Variants in COL25A1 observed in about 807,000 individuals in gnomAD.
The protein encoded by COL25A1 is collagen alpha-1(XXV) chain.
COL25A1 carries 103 observed loss-of-function variants against 128.4 expected under a neutral mutation model. The observed-to-expected ratio is 0.80, with a 90% CI of 0.68 to 0.94. The LOEUF is 0.94. COL25A1 is among the 40% of genes least tolerant of loss of function. COL25A1 has a pLI of 0.00. For missense variants in COL25A1, 745 were observed against 840.0 expected (o/e 0.89, Z 1.40); for synonymous variants, 279 against 277.2 (o/e 1.01, Z -0.06).
intron 6 of COL25A1, among the ~76,000 whole-genome samples, chr4:108,977,556 G>A (rs1047700940): frequency 6.6e-6 from 1 of 152,134 alleles, no homozygotes; most frequent in African/African-American, 2.4e-5. Context: ...ATAATAATGA[G>A]AGGATATGAC....
At chr4:109,279,968 A>G (rs773831659) in intron 3 of COL25A1, among the ~76,000 whole-genome samples, 4 of 152,228 alleles carry the variant, frequency 2.6e-5, no homozygotes, top group Non-Finnish European at 5.9e-5. Context: ...ATACTGAAAG[A>G]TGAGGCAGGG....
chr4:109,071,400 G>A (rs970916493), intron 3 of COL25A1, among the ~76,000 whole-genome samples: 4 of 152,124 alleles, frequency 2.6e-5, no homozygotes, highest in African/African-American at 9.7e-5. Flanking sequence ...AGGACTTCAT[G>A]TCTAAAACAC....
At chr4:109,183,578 A>C (rs546460217) in intron 3 of COL25A1, among the ~76,000 whole-genome samples, 1 of 152,172 alleles carries the variant, frequency 6.6e-6, no homozygotes, top group Admixed American at 6.6e-5. Flanking sequence ...TAGCAAGTGC[A>C]GTATTTTATC....
chr4:109,013,780 G>A lies in COL25A1; in HGVS notation c.421-3405C>T, dbSNP rs139783711. ...AACCGAAGGAAGAAACTCTAAGCAC[G>A]TCCGAACATCAGAAGGAACAAACTC... On this transcript the variant is annotated intron_variant, in intron 5 of 37. Transcript: ENST00000399132. Among the ~76,000 whole-genome samples the A allele has an allele frequency of 6.6e-3, 1,009 of 152,258 alleles. 28 individuals carry two copies. Among genetic ancestry groups the A allele is most frequent in the Admixed American group, 0.046 (697 of 15,302 alleles).
intron 3 of COL25A1, among the ~76,000 whole-genome samples, chr4:109,248,192 A>G (rs1434258413): frequency 4.6e-5 from 7 of 152,150 alleles, no homozygotes; most frequent in African/African-American, 1.7e-4. Flanking sequence ...TCTAGTCCTT[A>G]GCCAGGGTAA....
At chr4:109,103,856 T>C (rs1766145013) in intron 3 of COL25A1, among the ~76,000 whole-genome samples, 1 of 152,192 alleles carries the variant, frequency 6.6e-6, no homozygotes, top group Admixed American at 6.5e-5. Context: ...GAATTTTTAA[T>C]GATTCAAAAA....
At chr4:109,246,680 G>A (rs1178454019) in intron 3 of COL25A1, among the ~76,000 whole-genome samples, 1 of 151,922 alleles carries the variant, frequency 6.6e-6, no homozygotes, top group Non-Finnish European at 1.5e-5. Context: ...ACTCTACTAT[G>A]ATCATTTTTT....
chr4:108,941,784 A>C (rs1341002713), intron 8 of COL25A1, among the ~76,000 whole-genome samples: 1 of 152,244 alleles, frequency 6.6e-6, no homozygotes, highest in Non-Finnish European at 1.5e-5. Context: ...GTCTAGAGAC[A>C]AAATGCCAGT....
intron 3 of COL25A1, among the ~76,000 whole-genome samples, chr4:109,283,817 T>A (rs552186942): frequency 6.6e-6 from 1 of 152,316 alleles, no homozygotes; most frequent in African/African-American, 2.4e-5. Flanking sequence ...AACACTTTCT[T>A]TACTAACCTT....
intron 5 of COL25A1, among the ~76,000 whole-genome samples, chr4:109,047,728 CTTTTTTTT>C (rs59105153): frequency 1.5e-5 from 2 of 132,194 alleles, no homozygotes; most frequent in African/African-American, 2.7e-5. Flanking sequence ...TAAGTATACT[CTTTTTTTT>C]TTTTTTTTTT....
intron 3 of COL25A1, among the ~76,000 whole-genome samples, chr4:109,163,197 C>T (rs1772745889): frequency 6.6e-6 from 1 of 152,168 alleles, no homozygotes; most frequent in Non-Finnish European, 1.5e-5. Context: ...GCATCCCAGG[C>T]TAAGACAAAA....
At chr4:108,850,854 A>C (rs1255822851) in intron 26 of COL25A1, among the ~76,000 whole-genome samples, 1 of 152,138 alleles carries the variant, frequency 6.6e-6, no homozygotes, top group Non-Finnish European at 1.5e-5. Flanking sequence ...TTAGTGATAC[A>C]GATTTTTTAC....
chr4:108,901,412 C>G (rs1256697801), intron 13 of COL25A1, among the ~76,000 whole-genome samples: 2 of 151,990 alleles, frequency 1.3e-5, no homozygotes, highest in Non-Finnish European at 2.9e-5. Context: ...AGGCAACTTA[C>G]CAGTGGAAAT....
chr4:109,192,398 T>C (rs1380974502), intron 3 of COL25A1, among the ~76,000 whole-genome samples: 2 of 152,276 alleles, frequency 1.3e-5, no homozygotes, highest in East Asian at 3.9e-4. Flanking sequence ...ACAGGCAGTG[T>C]TATAGGCTGA....
chr4:109,075,209 A>G (rs1280167312), intron 3 of COL25A1, among the ~76,000 whole-genome samples: 2 of 152,182 alleles, frequency 1.3e-5, no homozygotes, highest in Non-Finnish European at 2.9e-5. Context: ...AAGTTTTAAC[A>G]CCAGAACAGA....
At chr4:109,225,096 C>A (rs1237592000) in intron 3 of COL25A1, among the ~76,000 whole-genome samples, 1 of 152,198 alleles carries the variant, frequency 6.6e-6, no homozygotes, top group African/African-American at 2.4e-5. Context: ...TGGAACCACA[C>A]TTTAAGAAAC....
chr4:109,002,764 CAT>C (rs758506507), intron 6 of COL25A1, among the ~76,000 whole-genome samples: 5 of 148,210 alleles, frequency 3.4e-5, no homozygotes, highest in Middle Eastern at 3.4e-3. Flanking sequence ...AATATAGATA[CAT>C]TTTTTTTTTG....
intron 3 of COL25A1, among the ~76,000 whole-genome samples, chr4:109,217,299 T>G (rs1281274266): frequency 6.6e-6 from 1 of 152,156 alleles, no homozygotes; most frequent in African/African-American, 2.4e-5. Context: ...ATTTAATTTT[T>G]GTTTTGACCA....
chr4:109,242,076 T>C (rs1167080389), intron 3 of COL25A1, among the ~76,000 whole-genome samples: 2 of 150,038 alleles, frequency 1.3e-5, no homozygotes, highest in Non-Finnish European at 2.9e-5. Flanking sequence ...GGGCTTCACC[T>C]TTCATATGTC....
Sources: allele counts gnomAD v4.1 joint callset (sites outside exome capture counted in the v4.1 genomes callset), GRCh38; gene constraint gnomAD v4.1.1; transcripts MANE v1.5; gene names NCBI Gene and HGNC (gene_info 2026-07-23, HGNC 2026-07-21).